The following CEP112 variants were observed in gnomAD, a reference collection of about 807,000 sequenced individuals.
CEP112 encodes centrosomal protein 112.
Under a neutral mutation model 153.0 loss-of-function variants are expected in CEP112, and 127 were observed. The observed-to-expected ratio is 0.83, with a 90% CI of 0.72 to 0.96. The LOEUF (loss-of-function observed/expected upper bound fraction) is 0.96, where lower values mean the gene tolerates loss of function less well. Ranked by LOEUF, CEP112 falls within the 40% of genes least tolerant of loss-of-function variation. The pLI is 0.00. For synonymous variants in CEP112, 358 were observed against 374.4 expected (o/e 0.96, Z 0.51); for missense variants, 1,089 against 1,101.2 (o/e 0.99, Z 0.16).
chr17:66,111,569 G>C (rs577252476), intron 6 of CEP112, among the ~76,000 whole-genome samples: 1 of 152,176 alleles, frequency 6.6e-6, no homozygotes, highest in Non-Finnish European at 1.5e-5. Context: ...AATGGAGCTA[G>C]AGGCTATTAC....
At chr17:65,654,184 G>T (rs1419292718) in intron 24 of CEP112, among the ~76,000 whole-genome samples, 1 of 152,018 alleles carries the variant, frequency 6.6e-6, no homozygotes, top group East Asian at 1.9e-4. Flanking sequence ...TCTTATTGGG[G>T]TTAAAGTATC....
chr17:65,748,285 T>C (rs1158644636), intron 22 of CEP112, among the ~76,000 whole-genome samples: 1 of 152,238 alleles, frequency 6.6e-6, no homozygotes, highest in African/African-American at 2.4e-5. Flanking sequence ...TAAGAATTTT[T>C]TGGTGTTGCG....
intron 18 of CEP112, among the ~76,000 whole-genome samples, chr17:65,929,515 A>G (rs1190776882): frequency 6.6e-6 from 1 of 152,182 alleles, no homozygotes; most frequent in African/African-American, 2.4e-5. Flanking sequence ...TTTAAATTGT[A>G]CATTGCAATT....
intron 20 of CEP112, among the ~76,000 whole-genome samples, chr17:65,894,667 C>T (rs1188478967): frequency 1.3e-5 from 2 of 152,028 alleles, no homozygotes; most frequent in Non-Finnish European, 2.9e-5. Flanking sequence ...ATGCAAATTC[C>T]TACGCTGTTT....
chr17:65,823,808 T>G (rs1281697647), intron 21 of CEP112, among the ~76,000 whole-genome samples: 1 of 152,130 alleles, frequency 6.6e-6, no homozygotes, highest in Non-Finnish European at 1.5e-5. Flanking sequence ...AGAAAAAGAT[T>G]TCAATAGATA....
rs1280018588 is a variant in CEP112 at position 65,735,304 on chromosome 17, G to C, written c.2607+7764C>G. 2.0e-5 allele frequency among the ~76,000 whole-genome samples: 3 copies of C among 152,222 alleles called. No individual in the cohort carries two copies. The South Asian group carries it at 6.2e-4, about 32-fold the overall frequency. On this transcript the variant is annotated intron_variant, in intron 23 of 26. Coordinates refer to ENST00000535342, the MANE Select transcript of CEP112 (RefSeq NM_001199165.4). ...AATAAGCATAGCTTGCCTGTCAATC[G>C]TTCTTTCAGAGTGACTAGAGTTCAG...
intron 17 of CEP112, among the ~76,000 whole-genome samples, chr17:65,965,518 CTT>C (rs1555734628): frequency 1.1e-4 from 13 of 122,068 alleles, no homozygotes; most frequent in Non-Finnish European, 1.5e-4. Flanking sequence ...CTTCTGCCCC[CTT>C]TTTTTTTTTT....
At chr17:65,794,514 T>C (rs1056879373) in intron 21 of CEP112, among the ~76,000 whole-genome samples, 5 of 152,222 alleles carry the variant, frequency 3.3e-5, no homozygotes, top group Admixed American at 6.5e-5. Context: ...ATTGGTTTAC[T>C]GAGGGTCACC....
intron 16 of CEP112, among the ~76,000 whole-genome samples, chr17:66,011,834 T>C (rs1010603324): frequency 1.3e-5 from 2 of 152,180 alleles, no homozygotes; most frequent in Non-Finnish European, 2.9e-5. Context: ...AAGTCTCTCA[T>C]CATTATTCTG....
intron 4 of CEP112, among the ~76,000 whole-genome samples, chr17:66,170,768 GA>G (rs563862706): frequency 9.7e-5 from 13 of 133,808 alleles, no homozygotes; most frequent in Non-Finnish European, 1.6e-4. Context: ...ATCTCAAAAA[GA>G]AAAAAAAAAG....
intron 1 of CEP112, among the ~76,000 whole-genome samples, chr17:66,186,024 T>TTCTCTC (rs550194871): frequency 2.1e-5 from 3 of 146,074 alleles, no homozygotes; most frequent in Non-Finnish European, 4.5e-5. Flanking sequence ...ATCTCTCTCA[T>TTCTCTC]TCTCTCTCTC....
At chr17:65,808,499 C>T (rs1030661118) in intron 21 of CEP112, among the ~76,000 whole-genome samples, 1 of 152,112 alleles carries the variant, frequency 6.6e-6, no homozygotes, top group African/African-American at 2.4e-5. Context: ...TGTCCCCAAC[C>T]AAATTTCATC....
intron 4 of CEP112, among the ~76,000 whole-genome samples, chr17:66,141,354 GAAA>G (rs901061406): frequency 1.3e-5 from 2 of 149,844 alleles, no homozygotes; most frequent in Non-Finnish European, 2.9e-5. Flanking sequence ...GAATCATATT[GAAA>G]AAAATTAAAT....
chr17:65,982,544 C>T (rs1021204249), intron 17 of CEP112, among the ~76,000 whole-genome samples: 17 of 152,248 alleles, frequency 1.1e-4, no homozygotes, highest in African/African-American at 3.9e-4. Context: ...GCCTGGAAAC[C>T]CTTTAAATAA....
chr17:65,903,932 C>A (rs1568201274), intron 19 of CEP112, among the ~76,000 whole-genome samples: 1 of 152,162 alleles, frequency 6.6e-6, no homozygotes. Flanking sequence ...GCTAAAAACT[C>A]TCAATAAACT....
intron 24 of CEP112, among the ~76,000 whole-genome samples, chr17:65,678,755 G>A (rs1200539205): frequency 6.6e-6 from 1 of 152,136 alleles, no homozygotes; most frequent in South Asian, 2.1e-4. Context: ...TGATGCAGTC[G>A]GTGCTTTGCT....
At chr17:66,138,110 T>C (rs2070520312) in intron 4 of CEP112, among the ~76,000 whole-genome samples, 1 of 152,154 alleles carries the variant, frequency 6.6e-6, no homozygotes, top group Non-Finnish European at 1.5e-5. Context: ...AAGGCTTTAT[T>C]TGGGCACTGC....
chr17:66,034,282 A>G (rs7210257), intron 12 of CEP112, among the ~76,000 whole-genome samples: 78,301 of 152,046 alleles, frequency 0.51, 21,093 homozygotes, highest in African/African-American at 0.59. Flanking sequence ...CATCTGTCCA[A>G]TATAGAATAT....
chr17:65,771,155 A>C (rs2053331708), intron 21 of CEP112, among the ~76,000 whole-genome samples: 1 of 152,050 alleles, frequency 6.6e-6, no homozygotes, highest in Non-Finnish European at 1.5e-5. Context: ...AAATCTTTTA[A>C]AAAAGGTTAA....
Sources: gnomAD v4.1 joint callset for allele counts (sites outside exome capture counted in the v4.1 genomes callset) on GRCh38, gnomAD v4.1.1 for gene constraint, MANE v1.5 for transcripts, NCBI Gene and HGNC (gene_info 2026-07-23, HGNC 2026-07-21) for gene names.